Variants in TMEM74 observed in about 807,000 individuals in gnomAD.
The protein encoded by TMEM74 is transmembrane protein 74.
TMEM74 carries 13 observed loss-of-function variants against 18.1 expected under a neutral mutation model. The observed-to-expected ratio is 0.72, with a 90% CI of 0.47 to 1.14. TMEM74 has a LOEUF of 1.14. Ranked by LOEUF, TMEM74 falls within the 50% of genes most tolerant of loss-of-function variation. TMEM74 has a pLI of 0.00. For missense variants in TMEM74, 372 were observed against 375.9 expected, an observed-to-expected ratio of 0.99 and a Z score of 0.09; for synonymous variants, 159 against 146.6, an observed-to-expected ratio of 1.08 and a Z score of -0.61.
At chr8:108,674,832 A>T (rs569931388) in intron 1 of TMEM74, among the ~76,000 whole-genome samples, 1 of 152,324 alleles carries the variant, frequency 6.6e-6, no homozygotes, top group South Asian at 2.1e-4. Flanking sequence ...GAGTTAATAC[A>T]CGCAGCTCTG....
At chr8:108,700,695 G>A (rs34302199) in intron 1 of TMEM74, among the ~76,000 whole-genome samples, 2,535 of 152,212 alleles carry the variant, frequency 0.017, 40 homozygotes, top group Non-Finnish European at 0.027. Context: ...AAGTGAATTC[G>A]TGATGTAGTT....
At chr8:108,640,900 A>T (rs1175902924) in intron 2 of TMEM74, among the ~76,000 whole-genome samples, 2 of 152,152 alleles carry the variant, frequency 1.3e-5, no homozygotes, top group African/African-American at 4.8e-5. Flanking sequence ...CTCTTAGCCC[A>T]TACCTATTCA....
At chr8:108,769,508 C>T (rs1050606210) in intron 1 of TMEM74, among the ~76,000 whole-genome samples, 12 of 151,982 alleles carry the variant, frequency 7.9e-5, no homozygotes, top group African/African-American at 2.4e-4. Flanking sequence ...TGCCTGTGCC[C>T]GACCCTCAAA....
Position 108,787,364 on chromosome 8 carries a change from T to C in TMEM74, c.-40+112A>G, listed in dbSNP as rs891345584. On this transcript the variant is annotated intron_variant, in intron 1 of 1. Coordinates refer to ENST00000297459, the MANE Select transcript of TMEM74 (RefSeq NM_153015.3). ...TCGAGGTACGGATGTGTCCGCCTAG[T>C]ACTCGGAGACGAAGGAGAGAGAGCG... 3 of 152,230 alleles carry C rather than the reference T, an allele frequency of 2.0e-5. 1 individual carries two copies. The highest frequency in any genetic ancestry group is 4.1e-4 in the South Asian group (2 of 4,826). 9.4% of individuals were successfully genotyped at this position (152,230 alleles called of 1,614,324 possible).
intron 1 of TMEM74, among the ~76,000 whole-genome samples, chr8:108,741,620 C>T (rs1813801569): frequency 6.6e-6 from 1 of 152,090 alleles, no homozygotes; most frequent in Admixed American, 6.6e-5. Context: ...TTATATTATG[C>T]TTCAGCTCAT....
chr8:108,685,920 T>G (rs1563525642), intron 1 of TMEM74, among the ~76,000 whole-genome samples: 1 of 152,102 alleles, frequency 6.6e-6, no homozygotes, highest in Admixed American at 6.6e-5. Context: ...GAAGAATGTG[T>G]AAGGTTTTTA....
At chr8:108,727,496 G>A (rs972090705) in intron 1 of TMEM74, among the ~76,000 whole-genome samples, 6 of 152,148 alleles carry the variant, frequency 3.9e-5, no homozygotes, top group Non-Finnish European at 8.8e-5. Context: ...TTTGTTCTGA[G>A]GAACGGAAAA....
In TMEM74 at chr8:108,754,198, A is replaced by T. The variant is rs534587974; in HGVS notation, n.119+33278T>A. On this transcript the variant is annotated intron_variant and non_coding_transcript_variant, in intron 1 of 3. Transcript: ENST00000518838. Reference sequence around the variant, plus strand: ...AAAGACAAAATTAATTGTATCTCCTACTCCCCTTTGTGTTTTTGTTGACAT... The same window carrying T: ...AAAGACAAAATTAATTGTATCTCCTTCTCCCCTTTGTGTTTTTGTTGACAT... 5.9e-5 allele frequency among the ~76,000 whole-genome samples: 9 copies of T among 151,840 alleles called. No homozygotes were observed. The East Asian group carries it at 1.7e-3, about 29-fold the overall frequency.
At chr8:108,706,512 G>A (rs1241138635) in intron 1 of TMEM74, among the ~76,000 whole-genome samples, 1 of 152,114 alleles carries the variant, frequency 6.6e-6, no homozygotes. Context: ...TACAGTAAAT[G>A]TTTATTGAAT....
At chr8:108,648,514 A>G (rs1812742909) in intron 2 of TMEM74, among the ~76,000 whole-genome samples, 1 of 152,162 alleles carries the variant, frequency 6.6e-6, no homozygotes, top group African/African-American at 2.4e-5. Flanking sequence ...GGGACTTTGA[A>G]GATATGACTA....
Position 108,779,647 on chromosome 8 carries a change from CTCT to C in TMEM74, c.*4531_*4533del, listed in dbSNP as rs1428611354. Among the ~76,000 whole-genome samples, 1 of 152,100 alleles carries C rather than the reference CTCT, an allele frequency of 6.6e-6. No homozygotes were observed. The highest frequency in any genetic ancestry group is 2.4e-5 in the African/African-American group (1 of 41,420). ...TTCATTCATGACTTGTGAAAGACTT[CTCT>C]TCTTCTTAATGTCAATAGTAAGGCA... On this transcript the variant is annotated 3_prime_UTR_variant, in exon 2 of 2. Transcript: ENST00000297459.
At chr8:108,702,338 C>T (rs946597533) in intron 1 of TMEM74, among the ~76,000 whole-genome samples, 1 of 123,924 alleles carries the variant, frequency 8.1e-6, no homozygotes, top group South Asian at 3.0e-4. Flanking sequence ...GTGTGAGACT[C>T]CATCTAAAAA....
At chr8:108,614,569 C>T (rs1453407788) in intron 2 of TMEM74, among the ~76,000 whole-genome samples, 1 of 152,128 alleles carries the variant, frequency 6.6e-6, no homozygotes, top group East Asian at 1.9e-4. Context: ...AGAAATCAAA[C>T]TTATGTAACA....
At chr8:108,680,077 T>C (rs1416546567) in intron 1 of TMEM74, among the ~76,000 whole-genome samples, 2 of 151,966 alleles carry the variant, frequency 1.3e-5, no homozygotes, top group Non-Finnish European at 2.9e-5. Context: ...GTCCAGGATC[T>C]ACCAGAGGTA....
At chr8:108,658,683 A>G (rs1011688086) in intron 1 of TMEM74, among the ~76,000 whole-genome samples, 8 of 152,212 alleles carry the variant, frequency 5.3e-5, no homozygotes, top group South Asian at 4.1e-4. Context: ...GCAAATGCCA[A>G]TCTGAATCCT....
intron 1 of TMEM74, among the ~76,000 whole-genome samples, chr8:108,674,821 TGAGTTAATACACGCAGCTCTG>T (rs1813037860): frequency 6.6e-6 from 1 of 152,174 alleles, no homozygotes; most frequent in Non-Finnish European, 1.5e-5. Flanking sequence ...AGACAATCTG[TGAGTTAATACACGCAGCTCTG>T]GAGGGGAGGT....
intron 1 of TMEM74, among the ~76,000 whole-genome samples, chr8:108,659,484 C>T (rs1488648243): frequency 6.6e-6 from 1 of 152,116 alleles, no homozygotes; most frequent in Admixed American, 6.6e-5. Context: ...GGCTTCCAGT[C>T]TTGGTCCTTT....
chr8:108,656,521 G>A (rs950351795), intron 1 of TMEM74, among the ~76,000 whole-genome samples: 1 of 152,088 alleles, frequency 6.6e-6, no homozygotes, highest in Non-Finnish European at 1.5e-5. Context: ...CTCATACACT[G>A]AAGAAAACTA....
At chr8:108,629,613 C>T (rs1812530085) in intron 2 of TMEM74, among the ~76,000 whole-genome samples, 1 of 151,842 alleles carries the variant, frequency 6.6e-6, no homozygotes, top group African/African-American at 2.4e-5. Context: ...AAAGGGAAGC[C>T]CATCAGACTG....
Sources: allele counts gnomAD v4.1 joint callset (sites outside exome capture counted in the v4.1 genomes callset), GRCh38; gene constraint gnomAD v4.1.1; transcripts MANE v1.5; gene names NCBI Gene and HGNC (gene_info 2026-07-23, HGNC 2026-07-21).